The following ARMC7 variants were observed in gnomAD, a reference collection of about 807,000 sequenced individuals.
ARMC7 encodes the protein armadillo repeat containing 7.
A neutral mutation model predicts 14.8 loss-of-function variants in ARMC7; 9 were observed. The ratio of observed to expected loss-of-function variants is 0.61; its 90% CI spans 0.37 to 1.06. The LOEUF is 1.06. ARMC7 is among the 50% of genes least tolerant of loss of function. ARMC7 has a pLI of 0.01. For synonymous variants in ARMC7, 125 were observed against 123.4 expected, an observed-to-expected ratio of 1.01 and a Z score of -0.09; for missense variants, 262 against 267.1, an observed-to-expected ratio of 0.98 and a Z score of 0.13.
chr17:75,120,230 A>C (rs1241587373), intron 2 of ARMC7, among the ~76,000 whole-genome samples: 1 of 152,038 alleles, frequency 6.6e-6, no homozygotes, highest in Non-Finnish European at 1.5e-5. Context: ...CCCTGGGACC[A>C]TCCTTCAACC....
At chr17:75,116,743 C>T (rs915742147) in intron 2 of ARMC7, among the ~76,000 whole-genome samples, 4 of 152,160 alleles carry the variant, frequency 2.6e-5, no homozygotes, top group Admixed American at 6.5e-5. Flanking sequence ...GATTGTGGAG[C>T]GAAAGCGAGA....
intron 2 of ARMC7, among the ~76,000 whole-genome samples, chr17:75,125,563 C>A (rs2074045588): frequency 6.6e-6 from 1 of 152,054 alleles, no homozygotes; most frequent in Admixed American, 6.6e-5. Flanking sequence ...CCCAGCTGGG[C>A]ACGGTGGCTC....
At chr17:75,124,345 G>C (rs1400060545) in intron 2 of ARMC7, among the ~76,000 whole-genome samples, 1 of 152,184 alleles carries the variant, frequency 6.6e-6, no homozygotes, top group African/African-American at 2.4e-5. Context: ...TGTGGGGAGG[G>C]AGGGAGAGGG....
At chr17:75,114,391 T>C (rs932285700) in intron 2 of ARMC7, 1 of 396,746 alleles carries the variant, frequency 2.5e-6, no homozygotes, top group Admixed American at 4.4e-5. Flanking sequence ...CACCCTGAGG[T>C]CCGGGTCCAC....
rs370451008 is a variant in ARMC7, at chr17:75,117,892, G to A, written c.235+7286G>A. ...TCCCAGCACTTTGGGAGGCTGAGGC[G>A]GGTGGATCACTTGAGCTCAGGAGTT... On this transcript the variant is annotated intron_variant, in intron 2 of 2. Transcript: ENST00000245543. Among the ~76,000 whole-genome samples the A allele has an allele frequency of 5.6e-4, 85 of 152,116 alleles. 1 individual carries two copies. The South Asian group carries it at 1.0e-2, about 18-fold the overall frequency.
chr17:75,129,018 G>A lies in ARMC7; in HGVS notation c.577G>A (p.Val193Met), dbSNP rs139709035. 344 of 1,598,248 alleles carry A rather than the reference G, an allele frequency of 2.2e-4. 4 individuals are homozygous for A. The African/African-American group carries it at 3.6e-3, about 17-fold the overall frequency. ...SALGIPLPRSVAPRQR is the reference protein window; with the variant it reads ...SALGIPLPRSMAPRQR Reference sequence around the variant, plus strand: ...CCTGGGTATCCCACTGCCGAGGAGCGTGGCCCCACGGCAGCGCTGATCCAT... The same window carrying A: ...CCTGGGTATCCCACTGCCGAGGAGCATGGCCCCACGGCAGCGCTGATCCAT... Residue 193 changes from valine (V) to methionine (M), a missense_variant, in exon 3 of 3, where the codon GTG (valine) becomes ATG (methionine). Val to Met is a conservative substitution (Grantham distance 21). Transcript: ENST00000245543.
At chr17:75,126,599 T>G (rs2074053103) in intron 2 of ARMC7, among the ~76,000 whole-genome samples, 1 of 151,912 alleles carries the variant, frequency 6.6e-6, no homozygotes, top group Non-Finnish European at 1.5e-5. Flanking sequence ...TTTTTTTTTT[T>G]GAGATGGAGT....
intron 2 of ARMC7, among the ~76,000 whole-genome samples, chr17:75,122,464 C>T (rs1395733343): frequency 1.3e-5 from 2 of 151,806 alleles, no homozygotes; most frequent in African/African-American, 2.4e-5. Flanking sequence ...TGGGTTCAAG[C>T]GATTCTCCTG....
intron 2 of ARMC7, among the ~76,000 whole-genome samples, chr17:75,121,981 G>A (rs2074016943): frequency 6.6e-6 from 1 of 152,094 alleles, no homozygotes; most frequent in African/African-American, 2.4e-5. Context: ...TTTTTACTGT[G>A]TTAATGGTGT....
At chr17:75,122,854 AAG>A (rs944966112) in intron 2 of ARMC7, among the ~76,000 whole-genome samples, 15 of 151,018 alleles carry the variant, frequency 9.9e-5, no homozygotes, top group African/African-American at 3.2e-4. Context: ...GTGTGAAGGA[AAG>A]AAGCAAAGCC....
In ARMC7 at chr17:75,110,311, A is replaced by G. The variant is rs758453579; in HGVS notation, c.23A>G (p.Asp8Gly). Residue 8 changes from aspartate (D) to glycine (G), a missense_variant, in exon 1 of 3, where the codon GAC becomes GGC. By Grantham distance (94) the Asp-to-Gly change is moderately conservative. Coordinates refer to ENST00000245543, the MANE Select transcript of ARMC7 (RefSeq NM_024585.4). ...GCCATGGCCCAGAAGCCGAAGGTGG[A>G]CCCCCACGTCGGGCGGCTGGGATAC... MAQKPKVDPHVGRLGYLQ... is the reference protein window; with the variant it reads MAQKPKVGPHVGRLGYLQ... 1.1e-5 allele frequency: 18 copies of G among 1,612,768 alleles called. No homozygotes were observed. In the Admixed American group the frequency reaches 3.0e-4, roughly 27 times the overall value.
At chr17:75,114,258 T>C in intron 2 of ARMC7, 2 of 401,190 alleles carry the variant, frequency 5.0e-6, no homozygotes, top group Non-Finnish European at 8.8e-6. Flanking sequence ...CAAATCAAGC[T>C]GCTGCCCCTG....
In ARMC7 at chr17:75,114,419, G is replaced by A. The variant is rs567589199; in HGVS notation, c.235+3813G>A. ...GGGTCCACTGAGCTATGGGGGCGGC[G>A]TGGGCCTGGGCTGGGTTCTTGCCAT... On this transcript the variant is annotated intron_variant, in intron 2 of 2. Transcript: ENST00000245543. 2.3e-4 allele frequency: 89 copies of A among 395,220 alleles called. 1 individual carries two copies. Among genetic ancestry groups the A allele is most frequent in the African/African-American group, 1.7e-3 (84 of 48,718 alleles). 24.5% of individuals were successfully genotyped at this position (395,220 alleles called of 1,614,324 possible).
intron 2 of ARMC7, among the ~76,000 whole-genome samples, chr17:75,116,877 C>G (rs987947503): frequency 2.0e-5 from 3 of 152,218 alleles, no homozygotes; most frequent in African/African-American, 7.2e-5. Flanking sequence ...TCCCTGCAGC[C>G]ACCACACTCA....
intron 2 of ARMC7, among the ~76,000 whole-genome samples, chr17:75,124,546 C>T (rs976563090): frequency 6.6e-6 from 1 of 152,240 alleles, no homozygotes; most frequent in Admixed American, 6.5e-5. Flanking sequence ...CACAGGAAGG[C>T]CGCTCCCGTC....
intron 2 of ARMC7, among the ~76,000 whole-genome samples, chr17:75,117,631 G>C (rs1280452146): frequency 6.6e-6 from 1 of 152,174 alleles, no homozygotes; most frequent in Non-Finnish European, 1.5e-5. Context: ...AGGAGGTGAA[G>C]CTTTGTCTAC....
At position 75,110,283 on chromosome 17, in the gene ARMC7, G is replaced by A; in HGVS notation, c.-6G>A. 1.2e-6 allele frequency: 2 copies of A among 1,607,592 alleles called. No individual in the cohort carries two copies. The highest frequency in any genetic ancestry group is 1.7e-6 in the Non-Finnish European group (2 of 1,178,780). On this transcript the variant is annotated 5_prime_UTR_variant, in exon 1 of 3. Coordinates refer to ENST00000245543, the MANE Select transcript of ARMC7 (RefSeq NM_024585.4). ...CCGTCCCTGGGGGTCCTCCGTCACC[G>A]CGGCCATGGCCCAGAAGCCGAAGGT...
rs543292575 is a variant in ARMC7 at position 75,115,812 on chromosome 17, G to A, written c.235+5206G>A. 1.3e-5 allele frequency among the ~76,000 whole-genome samples: 2 copies of A among 152,332 alleles called. 1 individual carries two copies. Among genetic ancestry groups the A allele is most frequent in the South Asian group, 4.1e-4 (2 of 4,830 alleles). Reference sequence around the variant, plus strand: ...TGGGCTCTCTCTCCTCCAATCATCTGTCAGATGGGGACAGTGCCAGTAGCT... The same window carrying A: ...TGGGCTCTCTCTCCTCCAATCATCTATCAGATGGGGACAGTGCCAGTAGCT... On this transcript the variant is annotated intron_variant, in intron 2 of 2. Coordinates refer to ENST00000245543, the MANE Select transcript of ARMC7 (RefSeq NM_024585.4).
chr17:75,116,993 C>T (rs1418331245), intron 2 of ARMC7, among the ~76,000 whole-genome samples: 2 of 152,196 alleles, frequency 1.3e-5, no homozygotes, highest in Non-Finnish European at 2.9e-5. Flanking sequence ...GGATGCTATC[C>T]AAACAAATGG....
Sources: gnomAD v4.1 joint callset for allele counts (sites outside exome capture counted in the v4.1 genomes callset) on GRCh38, gnomAD v4.1.1 for gene constraint, MANE v1.5 for transcripts, NCBI Gene and HGNC (gene_info 2026-07-23, HGNC 2026-07-21) for gene names.